The following RNF150 variants were observed in gnomAD, a reference collection of about 807,000 sequenced individuals.
RNF150 encodes the protein ring finger protein 150.
RNF150 carries 24 observed loss-of-function variants against 39.3 expected under a neutral mutation model. The ratio of observed to expected loss-of-function variants is 0.61; its 90% CI spans 0.44 to 0.86. The LOEUF (loss-of-function observed/expected upper bound fraction) is 0.86. RNF150 is among the 40% of genes least tolerant of loss of function. The probability of loss-of-function intolerance (pLI) is 0.00; values close to 1 mark genes in which losing one functional copy is unlikely to be tolerated. For missense variants in RNF150, 502 were observed against 587.8 expected (o/e 0.85, Z 1.51); for synonymous variants, 255 against 227.3 (o/e 1.12, Z -1.10).
At chr4:141,121,038 T>C (rs1726589168) in intron 1 of RNF150, among the ~76,000 whole-genome samples, 1 of 152,070 alleles carries the variant, frequency 6.6e-6, no homozygotes, top group East Asian at 1.9e-4. Flanking sequence ...AGATTCAGAG[T>C]GTGTTTCTGT....
chr4:140,956,324 G>A (rs1470889488), intron 2 of RNF150, among the ~76,000 whole-genome samples: 1 of 152,150 alleles, frequency 6.6e-6, no homozygotes, highest in Non-Finnish European at 1.5e-5. Flanking sequence ...TCAGTGAATG[G>A]CAGCAGAAGT....
chr4:141,044,771 G>GCACACAAACA (rs1553940751), intron 1 of RNF150, among the ~76,000 whole-genome samples: 4 of 146,582 alleles, frequency 2.7e-5, no homozygotes, highest in African/African-American at 1.0e-4. Context: ...GGTGTGCAGC[G>GCACACAAACA]CACACACACA....
chr4:140,925,055 C>A (rs1170089874), intron 5 of RNF150, among the ~76,000 whole-genome samples: 1 of 152,194 alleles, frequency 6.6e-6, no homozygotes, highest in Non-Finnish European at 1.5e-5. Flanking sequence ...TTATTCTCTG[C>A]CATTAGCAGT....
At chr4:140,977,943 G>C (rs896463106) in intron 1 of RNF150, among the ~76,000 whole-genome samples, 1 of 152,260 alleles carries the variant, frequency 6.6e-6, no homozygotes, top group East Asian at 1.9e-4. Context: ...CCTGAAATAT[G>C]TATCTTTCCT....
chr4:141,122,674 G>A (rs1226637916), intron 1 of RNF150, among the ~76,000 whole-genome samples: 1 of 152,082 alleles, frequency 6.6e-6, no homozygotes, highest in Non-Finnish European at 1.5e-5. Flanking sequence ...AAATATCTTG[G>A]AAGAACCAAG....
At chr4:141,015,391 G>A (rs763268927) in intron 1 of RNF150, among the ~76,000 whole-genome samples, 9 of 152,092 alleles carry the variant, frequency 5.9e-5, no homozygotes, top group East Asian at 1.9e-4. Flanking sequence ...CTATAAACAC[G>A]GGATATCTTT....
Position 141,035,217 on chromosome 4 carries a change from T to C in RNF150, c.485-67344A>G, listed in dbSNP as rs77812259. On this transcript the variant is annotated intron_variant, in intron 1 of 6. Coordinates refer to ENST00000515673, the MANE Select transcript of RNF150 (RefSeq NM_020724.2). The stretch of plus-strand genomic sequence containing the variant: ...TCAAGGGACATACTGAAGTGTTTAC[T>C]TAAAATTAGGTTGTTCCTTCTGGGT... Among the ~76,000 whole-genome samples, 1,091 of 152,288 alleles carry C rather than the reference T, an allele frequency of 7.2e-3. 13 individuals are homozygous for C. The highest frequency in any genetic ancestry group is 0.025 in the African/African-American group (1,054 of 41,570).
In RNF150 at chr4:140,867,261, C is replaced by T. The variant is rs1412627540; in HGVS notation, c.*1000G>A. ...TTGGACTTAAAAATGATTGGCTTTT[C>T]TCTAAAGCCTCCATTTTTTACAGAA... is the stretch of plus-strand genomic sequence containing the variant. On this transcript the variant is annotated 3_prime_UTR_variant, in exon 7 of 7. Transcript: ENST00000515673. The T allele has an allele frequency of 6.6e-6, 1 of 152,220 alleles. No homozygotes were observed. Among genetic ancestry groups the T allele is most frequent in the Admixed American group, 6.5e-5 (1 of 15,280 alleles). The allele number at this position is 152,220 out of a possible 1,614,324, so 9.4% of individuals were successfully genotyped here.
intron 1 of RNF150, among the ~76,000 whole-genome samples, chr4:141,090,328 C>G (rs764847673): frequency 7.0e-4 from 107 of 152,170 alleles, no homozygotes; most frequent in Non-Finnish European, 1.2e-3. Context: ...ATTTGTAGTG[C>G]ACCTAAGCTT....
At chr4:140,928,464 G>A (rs995454429) in intron 4 of RNF150, among the ~76,000 whole-genome samples, 7 of 152,188 alleles carry the variant, frequency 4.6e-5, no homozygotes, top group African/African-American at 1.7e-4. Context: ...TGGCACCCAA[G>A]TTGGATAAAG....
chr4:141,184,064 G>A (rs1727960017), intron 1 of RNF150, among the ~76,000 whole-genome samples: 1 of 151,994 alleles, frequency 6.6e-6, no homozygotes, highest in African/African-American at 2.4e-5. Flanking sequence ...CTGATTCTAG[G>A]TCCTTAAGGA....
At chr4:140,965,845 C>G (rs1256361666) in intron 2 of RNF150, among the ~76,000 whole-genome samples, 4 of 151,936 alleles carry the variant, frequency 2.6e-5, no homozygotes, top group Admixed American at 2.6e-4. Flanking sequence ...TGTAAAATGA[C>G]TACAGCTAAA....
At chr4:140,906,716 C>T (rs963345784) in intron 6 of RNF150, among the ~76,000 whole-genome samples, 9 of 152,158 alleles carry the variant, frequency 5.9e-5, no homozygotes, top group African/African-American at 2.2e-4. Context: ...ACCAGGTCTC[C>T]TGGCCAGACA....
Position 141,160,387 on chromosome 4 carries a change from A to G in RNF150, c.-6+52407T>C, listed in dbSNP as rs550978000. ...CAGGCTGATAAATCTTATCCCAAGC[A>G]TCATTATTGTATATTTGTATAAATC... On this transcript the variant is annotated intron_variant, in intron 1 of 7. Coordinates refer to the RNF150 transcript ENST00000420921. Among the ~76,000 whole-genome samples, 28 of 152,362 alleles carry G rather than the reference A, an allele frequency of 1.8e-4. 1 individual carries two copies. The South Asian group carries it at 5.4e-3, about 29-fold the overall frequency.
chr4:140,879,722 T>A (rs893622945), intron 6 of RNF150, among the ~76,000 whole-genome samples: 2 of 152,028 alleles, frequency 1.3e-5, no homozygotes, highest in Admixed American at 6.6e-5. Context: ...TTTGGGAGGC[T>A]AAGCTGGCAG....
chr4:140,863,236 G>A lies in RNF150; in HGVS notation c.*5025C>T, dbSNP rs1466248876. On this transcript the variant is annotated 3_prime_UTR_variant, in exon 7 of 7. Transcript: ENST00000515673. ...CGAATGAGGAGGGTCAAATGCTGAG[G>A]GTGGGAGAAAGCAGATCTAGACAGC... is the stretch of plus-strand genomic sequence containing the variant. 1 of 152,126 alleles carries A rather than the reference G, an allele frequency of 6.6e-6. No individual in the cohort carries two copies. Among genetic ancestry groups the A allele is most frequent in the Non-Finnish European group, 1.5e-5 (1 of 68,034 alleles). The allele number at this position is 152,126 out of a possible 1,614,324, so 9.4% of individuals were successfully genotyped here. A position where few individuals can be genotyped will look rare whatever the true frequency, so the allele number is the denominator to read the frequency against.
In RNF150 at chr4:141,132,254, C is replaced by G; in HGVS notation, c.484+71G>C. ...GGACTTCCCAGAAGGAGCCTGGAGG[C>G]AGGCGCTGGATCCCTCTAGGCACCT... On this transcript the variant is annotated intron_variant, in intron 1 of 6. Coordinates refer to ENST00000515673, the MANE Select transcript of RNF150 (RefSeq NM_020724.2). This position sits in a 1 kb window ranked among gnomAD's most constrained non-coding sequence, Gnocchi z 4.9. The G allele has an allele frequency of 6.8e-7, 1 of 1,478,296 alleles. No homozygotes were observed. Among genetic ancestry groups the G allele is most frequent in the Non-Finnish European group, 9.2e-7 (1 of 1,090,514 alleles). The allele number at this position is 1,478,296 out of a possible 1,614,324, so 91.6% of individuals were successfully genotyped here.
intron 1 of RNF150, among the ~76,000 whole-genome samples, chr4:141,047,897 C>T (rs1312539111): frequency 1.3e-5 from 2 of 152,094 alleles, no homozygotes; most frequent in African/African-American, 4.8e-5. Context: ...TTATCACCTG[C>T]AATGAAGAAT....
chr4:141,198,405 C>T (rs918813612), intron 1 of RNF150, among the ~76,000 whole-genome samples: 21 of 152,260 alleles, frequency 1.4e-4, no homozygotes, highest in African/African-American at 4.6e-4. Flanking sequence ...TGTCTGTTTC[C>T]AGAAATGCTT....
Sources: gnomAD v4.1 joint callset for allele counts (sites outside exome capture counted in the v4.1 genomes callset) on GRCh38, gnomAD v4.1.1 for gene constraint, Gnocchi (gnomAD v3.1) non-coding constraint, MANE v1.5 for transcripts, NCBI Gene and HGNC (gene_info 2026-07-23, HGNC 2026-07-21) for gene names.